SMAP1: variants seen among roughly 807,000 people sequenced by gnomAD.
The protein encoded by SMAP1 is stromal membrane-associated protein 1.
Under a neutral mutation model 58.5 loss-of-function variants are expected in SMAP1, and 24 were observed. That is an observed-to-expected ratio of 0.41 (90% confidence interval 0.30 to 0.58). The LOEUF is 0.58. Among genes scored for constraint, SMAP1 ranks in the 20% least tolerant of loss-of-function variants. The probability of loss-of-function intolerance (pLI) is 0.29; values close to 1 mark genes in which losing one functional copy is unlikely to be tolerated. For synonymous variants in SMAP1, 216 were observed against 196.6 expected, an observed-to-expected ratio of 1.10 and a Z score of -0.82; for missense variants, 563 against 566.3, an observed-to-expected ratio of 0.99 and a Z score of 0.06.
Position 70,860,349 on chromosome 6 carries a change from G to T in SMAP1, c.*15G>T, listed in dbSNP as rs1174752290. 6.3e-7 allele frequency: 1 copy of T among 1,598,988 alleles called. No individual in the cohort carries two copies. Among genetic ancestry groups the T allele is most frequent in the Non-Finnish European group, 8.5e-7 (1 of 1,173,392 alleles). On this transcript the variant is annotated 3_prime_UTR_variant, in exon 11 of 11. Coordinates refer to ENST00000370455, the MANE Select transcript of SMAP1 (RefSeq NM_001044305.3). ...TGTGGAAATGAAAACTGCAATACAA[G>T]TTTCATCCAGAACTACCACCTGACA... is the stretch of plus-strand genomic sequence containing the variant.
intron 1 of SMAP1, among the ~76,000 whole-genome samples, chr6:70,687,544 T>G (rs117323794): frequency 0.023 from 3,569 of 152,208 alleles, 49 homozygotes; most frequent in Non-Finnish European, 0.037. Flanking sequence ...TTTGCCGCCA[T>G]TTAGTTGAGA....
chr6:70,799,515 A>G (rs909212932), intron 6 of SMAP1, among the ~76,000 whole-genome samples: 2 of 152,188 alleles, frequency 1.3e-5, no homozygotes, highest in Admixed American at 6.5e-5. Context: ...TTTCATCATA[A>G]GAGTATGGAA....
At chr6:70,854,858 C>T (rs1339627397) in intron 8 of SMAP1, among the ~76,000 whole-genome samples, 2 of 151,962 alleles carry the variant, frequency 1.3e-5, no homozygotes, top group Non-Finnish European at 2.9e-5. Flanking sequence ...AATTCTAGTA[C>T]AATATTTTCT....
chr6:70,667,927 C>G lies in SMAP1; in HGVS notation c.-97C>G. The stretch of plus-strand genomic sequence containing the variant: ...TGCCGCTTCCTGGGCTGAGTCCGCC[C>G]GCGGTCCCGGCGGCGCCAGGTGCGT... On this transcript the variant is annotated 5_prime_UTR_variant, in exon 1 of 11. Transcript: ENST00000370455. 1.9e-6 allele frequency: 2 copies of G among 1,054,316 alleles called. No homozygotes were observed. Among genetic ancestry groups the G allele is most frequent in the Non-Finnish European group, 2.7e-6 (2 of 743,450 alleles). The allele number at this position is 1,054,316 out of a possible 1,614,324, so 65.3% of individuals were successfully genotyped here. A position where few individuals can be genotyped will look rare whatever the true frequency, so the allele number is the denominator to read the frequency against.
chr6:70,712,508 AT>A (rs1424416798), intron 1 of SMAP1, among the ~76,000 whole-genome samples: 2 of 152,176 alleles, frequency 1.3e-5, no homozygotes, highest in Non-Finnish European at 2.9e-5. Flanking sequence ...TTCAAGAAGG[AT>A]TGGTGTTAAT....
At position 70,836,943 on chromosome 6, in the gene SMAP1, G is replaced by T. The variant is rs761312777; in HGVS notation, c.579G>T (p.Leu193=). 12 of 1,581,436 alleles carry T rather than the reference G, an allele frequency of 7.6e-6. No individual in the cohort carries two copies. In the South Asian group the frequency reaches 1.1e-4, roughly 14 times the overall value. The change falls in exon 7 of 11, where the codon CTG becomes CTT. Residue 193 remains leucine (L), a splice_region_variant and synonymous_variant. Coordinates refer to ENST00000370455, the MANE Select transcript of SMAP1 (RefSeq NM_001044305.3). ...KPAKPLTAEK[L]QKKDQQLEPK... is the part of the protein sequence containing the mutation. ...AAATCCAATTATTTACTTTAAAGCT[G>T]CAGAAGAAAGATCAGCAACTGGAGC...
At chr6:70,804,718 C>G (rs1468127649) in intron 6 of SMAP1, among the ~76,000 whole-genome samples, 1 of 152,082 alleles carries the variant, frequency 6.6e-6, no homozygotes, top group Non-Finnish European at 1.5e-5. Flanking sequence ...TCAGCATTTG[C>G]TTGTCTGTAA....
intron 8 of SMAP1, among the ~76,000 whole-genome samples, chr6:70,855,920 C>T (rs942114610): frequency 6.6e-6 from 1 of 152,180 alleles, no homozygotes; most frequent in African/African-American, 2.4e-5. Context: ...CTTGCTTAGT[C>T]ATAAGATTCA....
At chr6:70,849,018 GATCA>G (rs1486562164) in intron 7 of SMAP1, among the ~76,000 whole-genome samples, 1 of 152,168 alleles carries the variant, frequency 6.6e-6, no homozygotes, top group African/African-American at 2.4e-5. Context: ...ACCGTTAAGG[GATCA>G]ATCACATGGG....
intron 1 of SMAP1, among the ~76,000 whole-genome samples, chr6:70,679,871 A>G (rs1039984445): frequency 7.9e-5 from 12 of 152,296 alleles, no homozygotes; most frequent in African/African-American, 2.6e-4. Context: ...TTTTGTTGCA[A>G]CTGACAAGCT....
At chr6:70,784,535 A>G (rs1289293986) in intron 4 of SMAP1, among the ~76,000 whole-genome samples, 4 of 152,326 alleles carry the variant, frequency 2.6e-5, no homozygotes, top group Middle Eastern at 3.4e-3. Context: ...AAGACCCATC[A>G]GTGTGCTGTA....
At chr6:70,857,276 C>T (rs141001480) in intron 9 of SMAP1, 81 of 318,616 alleles carry the variant, frequency 2.5e-4, no homozygotes, top group Middle Eastern at 1.8e-3. Context: ...TGTTGTTTCA[C>T]AAGCTTATAG....
chr6:70,831,705 G>T (rs1770366014), intron 6 of SMAP1, among the ~76,000 whole-genome samples: 2 of 152,024 alleles, frequency 1.3e-5, no homozygotes, highest in Admixed American at 6.6e-5. Context: ...CTTTGCTATT[G>T]TGAACAGTGC....
At position 70,861,784 on chromosome 6, in the gene SMAP1, C is replaced by CT; in HGVS notation, c.*1452dup. ...AAGGAAATAGCTTGGGTAGCGCACT[C>CT]TTCATGGTGACACTCGAGGTCGGGC... On this transcript the variant is annotated 3_prime_UTR_variant, in exon 11 of 11. Transcript: ENST00000370455. 1.2e-6 allele frequency: 2 copies of CT among 1,614,034 alleles called. No individual in the cohort carries two copies. The highest frequency in any genetic ancestry group is 2.2e-5 in the South Asian group (2 of 91,074).
intron 1 of SMAP1, among the ~76,000 whole-genome samples, chr6:70,715,636 T>C (rs952023377): frequency 6.6e-6 from 1 of 152,212 alleles, no homozygotes; most frequent in African/African-American, 2.4e-5. Context: ...GAAGACAGTT[T>C]TTCCATGGAC....
intron 10 of SMAP1, 74 bp downstream of exon 10, chr6:70,858,303 T>G (rs1264957762): frequency 1.5e-6 from 2 of 1,331,204 alleles, no homozygotes; most frequent in Non-Finnish European, 9.9e-7. Context: ...TTTTTTTTTT[T>G]TTTTTTTTTT....
intron 4 of SMAP1, among the ~76,000 whole-genome samples, chr6:70,786,126 T>A (rs1768015208): frequency 6.6e-6 from 1 of 152,130 alleles, no homozygotes. Context: ...GCTTCATCCC[T>A]GGGACGCAAG....
At chr6:70,760,511 T>C (rs908722273) in intron 3 of SMAP1, among the ~76,000 whole-genome samples, 2 of 152,236 alleles carry the variant, frequency 1.3e-5, no homozygotes, top group East Asian at 3.9e-4. Context: ...AAAATTACCT[T>C]GGTTATTATA....
In SMAP1 at chr6:70,791,783, T is replaced by G. The variant is rs1351405463; in HGVS notation, c.495+14T>G. The G allele has an allele frequency of 6.2e-7, 1 of 1,604,300 alleles. No individual in the cohort carries two copies. The highest frequency in any genetic ancestry group is 8.5e-7 in the Non-Finnish European group (1 of 1,171,632). On this transcript the variant is annotated intron_variant, in intron 5 of 10. Transcript: ENST00000370455. ...AATAAATTGGAGGTATGGTCATGTT[T>G]TAACCAGCTACATTATGTAGTGTTA... is the stretch of plus-strand genomic sequence containing the variant.
Sources: allele counts gnomAD v4.1 joint callset (sites outside exome capture counted in the v4.1 genomes callset), GRCh38; gene constraint gnomAD v4.1.1; transcripts MANE v1.5; gene names NCBI Gene and HGNC (gene_info 2026-07-23, HGNC 2026-07-21).